Variants in SHISA9 observed in about 807,000 individuals in gnomAD.
SHISA9 encodes the protein protein shisa-9.
SHISA9 carries 13 observed loss-of-function variants against 38.0 expected under a neutral mutation model. The observed-to-expected ratio is 0.34, with a 90% CI of 0.22 to 0.54. The LOEUF (loss-of-function observed/expected upper bound fraction) is 0.54, where lower values mean the gene tolerates loss of function less well. Among genes scored for constraint, SHISA9 ranks in the 20% least tolerant of loss-of-function variants. The probability of loss-of-function intolerance (pLI) is 0.91; values close to 1 mark genes in which losing one functional copy is unlikely to be tolerated. For missense variants in SHISA9, 538 were observed against 575.8 expected, an observed-to-expected ratio of 0.93 and a Z score of 0.67; for synonymous variants, 275 against 242.0, an observed-to-expected ratio of 1.14 and a Z score of -1.27.
intron 2 of SHISA9, among the ~76,000 whole-genome samples, chr16:13,146,368 A>T (rs2050447613): frequency 6.6e-6 from 1 of 151,746 alleles, no homozygotes; most frequent in Admixed American, 6.6e-5. Context: ...ATTTTTTTTT[A>T]ATTTTTGTGT....
the SHISA9 span, among the ~76,000 whole-genome samples, chr16:13,455,912 G>A: frequency 0.54 from 82,581 of 151,888 alleles, 23,300 homozygotes; most frequent in East Asian, 0.9. Flanking sequence ...CCTAAGCCCC[G>A]TAAGTAGAAA....
chr16:13,340,167 A>T, the SHISA9 span, among the ~76,000 whole-genome samples: 1 of 152,236 alleles, frequency 6.6e-6, no homozygotes. Context: ...CCAGCCTTGG[A>T]CACAGTGGCT....
chr16:13,009,021 G>A (rs1417684777), intron 2 of SHISA9, among the ~76,000 whole-genome samples: 1 of 152,038 alleles, frequency 6.6e-6, no homozygotes, highest in African/African-American at 2.4e-5. Context: ...CATAGGGGAT[G>A]GAGAGTGACA....
chr16:13,414,646 C>CTTTTTTTTTTTTTT, the SHISA9 span, among the ~76,000 whole-genome samples: 16 of 136,588 alleles, frequency 1.2e-4, 1 homozygote, highest in East Asian at 2.2e-4. Flanking sequence ...TTCTTTCTTT[C>CTTTTTTTTTTTTTT]TTTCTTTTTT....
At chr16:12,928,278 G>A (rs2071418357) in intron 2 of SHISA9, among the ~76,000 whole-genome samples, 1 of 151,186 alleles carries the variant, frequency 6.6e-6, no homozygotes, top group African/African-American at 2.4e-5. Context: ...CTAAATACTA[G>A]GCACTGGGGC....
At chr16:13,433,536 T>TTAAC in the SHISA9 span, among the ~76,000 whole-genome samples, 1 of 151,780 alleles carries the variant, frequency 6.6e-6, no homozygotes, top group Admixed American at 6.6e-5. Flanking sequence ...GTCAGAGAGA[T>TTAAC]TAATGTGTTC....
At chr16:13,127,387 A>G (rs1487300504) in intron 2 of SHISA9, among the ~76,000 whole-genome samples, 3 of 138,902 alleles carry the variant, frequency 2.2e-5, no homozygotes, top group Non-Finnish European at 4.7e-5. Flanking sequence ...AGAGGGAGGG[A>G]GAGAGAGGAA....
chr16:13,150,030 T>TA (rs35012437), intron 2 of SHISA9, among the ~76,000 whole-genome samples: 27,916 of 67,450 alleles, frequency 0.41, 6,729 homozygotes, highest in Non-Finnish European at 0.51. Context: ...TCCTCATCAT[T>TA]AAAAAAAAAA....
intron 2 of SHISA9, among the ~76,000 whole-genome samples, chr16:12,992,161 A>T (rs2141833403): frequency 6.6e-6 from 1 of 152,266 alleles, no homozygotes; most frequent in African/African-American, 2.4e-5. Context: ...TAACGCTGAT[A>T]AGTTTGAGAA....
the SHISA9 span, among the ~76,000 whole-genome samples, chr16:13,557,337 C>T: frequency 6.6e-6 from 1 of 152,160 alleles, no homozygotes; most frequent in Admixed American, 6.5e-5. Flanking sequence ...TACAAATTCC[C>T]ATGCAATGCA....
chr16:13,262,537 C>A, the SHISA9 span, among the ~76,000 whole-genome samples: 1 of 152,016 alleles, frequency 6.6e-6, no homozygotes, highest in African/African-American at 2.4e-5. Context: ...AGAAACTCTA[C>A]TTTATTTACT....
At chr16:13,437,887 CAG>C in the SHISA9 span, among the ~76,000 whole-genome samples, 1 of 129,548 alleles carries the variant, frequency 7.7e-6, no homozygotes, top group South Asian at 2.3e-4. Flanking sequence ...TTTTTTGAGA[CAG>C]AGTTTCACTG....
chr16:13,080,046 C>T (rs1346632548), intron 2 of SHISA9, among the ~76,000 whole-genome samples: 1 of 152,056 alleles, frequency 6.6e-6, no homozygotes, highest in East Asian at 1.9e-4. Flanking sequence ...TTTTAGGCGT[C>T]TAGAAAGCAG....
chr16:13,455,769 C>T, the SHISA9 span, among the ~76,000 whole-genome samples: 8 of 152,102 alleles, frequency 5.3e-5, no homozygotes, highest in African/African-American at 1.9e-4. Context: ...GGCAAGTGAA[C>T]CACCCTAACC....
intron 2 of SHISA9, among the ~76,000 whole-genome samples, chr16:12,993,175 G>A (rs902729665): frequency 5.1e-4 from 78 of 152,156 alleles, no homozygotes; most frequent in Admixed American, 2.5e-3. Context: ...AGGCTCCCAG[G>A]CACCTACCCT....
At chr16:13,437,667 C>T in the SHISA9 span, among the ~76,000 whole-genome samples, 1 of 152,102 alleles carries the variant, frequency 6.6e-6, no homozygotes, top group African/African-American at 2.4e-5. Context: ...TGTGAACTCC[C>T]CCACTGAATT....
chr16:13,374,735 C>A, the SHISA9 span, among the ~76,000 whole-genome samples: 1 of 152,192 alleles, frequency 6.6e-6, no homozygotes, highest in Non-Finnish European at 1.5e-5. Flanking sequence ...CTTGAGGAAT[C>A]GCCACACTGT....
Position 13,004,189 on chromosome 16 carries a change from A to G in SHISA9, c.691+87374A>G, listed in dbSNP as rs562949091. ...GCCTCCCTCAAAGGGGATATAGGGA[A>G]AAGTCTGACTTGTAACAGATCTGGA... is the stretch of plus-strand genomic sequence containing the variant. On this transcript the variant is annotated intron_variant, in intron 2 of 4. Coordinates refer to ENST00000558583, the MANE Select transcript of SHISA9 (RefSeq NM_001145204.3). Among the ~76,000 whole-genome samples, 455 of 152,340 alleles carry G rather than the reference A, an allele frequency of 3.0e-3. 3 individuals carry two copies. Among genetic ancestry groups the G allele is most frequent in the African/African-American group, 0.011 (439 of 41,576 alleles).
At chr16:13,312,303 T>C in the SHISA9 span, among the ~76,000 whole-genome samples, 6 of 152,222 alleles carry the variant, frequency 3.9e-5, no homozygotes, top group Non-Finnish European at 8.8e-5. Context: ...ATGTGGCCCA[T>C]GGACAGTAGT....
Sources: allele counts gnomAD v4.1 joint callset (sites outside exome capture counted in the v4.1 genomes callset), GRCh38; gene constraint gnomAD v4.1.1; transcripts MANE v1.5; gene names NCBI Gene and HGNC (gene_info 2026-07-23, HGNC 2026-07-21).